ARMC2: variants seen among roughly 807,000 people sequenced by gnomAD.
ARMC2 encodes armadillo repeat-containing protein 2.
ARMC2 carries 67 observed loss-of-function variants against 90.3 expected under a neutral mutation model. That is an observed-to-expected ratio of 0.74 (90% CI 0.61 to 0.91). ARMC2 has a LOEUF of 0.91. ARMC2 is among the 40% of genes least tolerant of loss of function. The pLI is 0.00. For missense variants in ARMC2, 920 were observed against 1,030.9 expected (o/e 0.89, Z 1.47); for synonymous variants, 393 against 393.0 (o/e 1.00, Z 0.00).
the ARMC2 span, among the ~76,000 whole-genome samples, chr6:108,994,795 C>T: frequency 6.6e-5 from 10 of 151,408 alleles, no homozygotes; most frequent in African/African-American, 1.9e-4. Flanking sequence ...GTCCACCTCC[C>T]AGGTTCACGC....
intron 5 of ARMC2, among the ~76,000 whole-genome samples, 152 bp from the exon 6 acceptor site, chr6:108,894,315 A>G (rs763145639): frequency 2.3e-4 from 35 of 152,368 alleles, no homozygotes; most frequent in Non-Finnish European, 4.1e-4. Flanking sequence ...GCAGTGAGCT[A>G]TGATCACAGC....
chr6:108,921,190 A>C (rs1774530411), intron 10 of ARMC2, among the ~76,000 whole-genome samples: 1 of 152,168 alleles, frequency 6.6e-6, no homozygotes, highest in Non-Finnish European at 1.5e-5. Flanking sequence ...TGTTTGTATG[A>C]TATTCAAAAT....
At chr6:109,042,828 G>C in the ARMC2 span, among the ~76,000 whole-genome samples, 40 of 152,012 alleles carry the variant, frequency 2.6e-4, 1 homozygote, top group South Asian at 7.5e-3. Context: ...AGAAAACAAG[G>C]AGGGAAAAAT....
At chr6:108,965,791 C>G (rs753600360) in intron 17 of ARMC2, among the ~76,000 whole-genome samples, 2 of 151,284 alleles carry the variant, frequency 1.3e-5, no homozygotes, top group Admixed American at 1.3e-4. Flanking sequence ...ACTACAGACA[C>G]GCACCACCAT....
Position 108,973,625 on chromosome 6 carries a change from AG to A in ARMC2, c.*112del. 8.6e-7 allele frequency: 1 copy of A among 1,160,690 alleles called. No individual in the cohort carries two copies. The highest frequency in any genetic ancestry group is 2.5e-5 in the East Asian group (1 of 40,810). 71.9% of individuals were successfully genotyped at this position (1,160,690 alleles called of 1,614,324 possible). A position where few individuals can be genotyped will look rare whatever the true frequency, so the allele number is the denominator to read the frequency against. Reference sequence around the variant, plus strand: ...ATTAACAAATGTGGAAAGTTTTTCAAGAACTGGTTTTAGTGAGTAGCTGAAG... The same window carrying A: ...ATTAACAAATGTGGAAAGTTTTTCAAAACTGGTTTTAGTGAGTAGCTGAAG... On this transcript the variant is annotated 3_prime_UTR_variant, in exon 18 of 18. Coordinates refer to ENST00000392644, the MANE Select transcript of ARMC2 (RefSeq NM_032131.6).
chr6:108,947,615 G>A (rs942281564), intron 12 of ARMC2, among the ~76,000 whole-genome samples: 1 of 152,138 alleles, frequency 6.6e-6, no homozygotes. Context: ...TTCAGATTGA[G>A]TAACTTGTTT....
chr6:108,850,875 G>A (rs1348315272), intron 1 of ARMC2, among the ~76,000 whole-genome samples: 2 of 152,158 alleles, frequency 1.3e-5, no homozygotes, highest in South Asian at 2.1e-4. Flanking sequence ...CCAGCCCGGG[G>A]CCTTTTGGAG....
the ARMC2 span, among the ~76,000 whole-genome samples, chr6:109,052,403 T>C: frequency 1.3e-5 from 2 of 152,190 alleles, no homozygotes; most frequent in Admixed American, 6.5e-5. Context: ...AAATTGATCA[T>C]AATCCTACCA....
At chr6:108,987,966 C>G in the ARMC2 span, among the ~76,000 whole-genome samples, 1 of 152,058 alleles carries the variant, frequency 6.6e-6, no homozygotes, top group Admixed American at 6.6e-5. Context: ...CTATGTCCAA[C>G]TAATTTTTTG....
intron 11 of ARMC2, among the ~76,000 whole-genome samples, chr6:108,932,082 T>C (rs1246565217): frequency 2.6e-5 from 4 of 151,940 alleles, no homozygotes; most frequent in Non-Finnish European, 5.9e-5. Flanking sequence ...CACTTTTTGG[T>C]GGGGTTGTTT....
the ARMC2 span, among the ~76,000 whole-genome samples, chr6:108,983,374 C>T: frequency 6.6e-6 from 1 of 152,004 alleles, no homozygotes; most frequent in African/African-American, 2.4e-5. Flanking sequence ...TGAAACTTTC[C>T]CCGTGTTTTC....
the ARMC2 span, among the ~76,000 whole-genome samples, chr6:109,028,098 T>G: frequency 6.6e-6 from 1 of 152,212 alleles, no homozygotes; most frequent in Non-Finnish European, 1.5e-5. Context: ...TAATGTCTCA[T>G]GCTTGTATTC....
chr6:108,957,181 C>T (rs1026921158), intron 13 of ARMC2, among the ~76,000 whole-genome samples: 2 of 152,220 alleles, frequency 1.3e-5, no homozygotes. Flanking sequence ...GTGATCCCTT[C>T]TCTATTCTCT....
intron 10 of ARMC2, among the ~76,000 whole-genome samples, chr6:108,919,091 T>G (rs935320318): frequency 6.6e-6 from 1 of 152,148 alleles, no homozygotes; most frequent in South Asian, 2.1e-4. Context: ...ACCCCAATTC[T>G]CAGAGCCAGC....
intron 12 of ARMC2, among the ~76,000 whole-genome samples, chr6:108,950,770 C>T (rs1315661018): frequency 1.3e-5 from 2 of 152,234 alleles, no homozygotes; most frequent in Middle Eastern, 3.4e-3. Context: ...ACCCCTGAGC[C>T]TAAAAAGTTA....
chr6:108,930,221 T>C (rs1775422275), intron 11 of ARMC2, among the ~76,000 whole-genome samples: 1 of 152,216 alleles, frequency 6.6e-6, no homozygotes, highest in Non-Finnish European at 1.5e-5. Context: ...AATATTTACT[T>C]ATTTATTTAT....
the ARMC2 span, among the ~76,000 whole-genome samples, chr6:109,020,970 A>T: frequency 1.3e-5 from 2 of 152,194 alleles, no homozygotes; most frequent in Non-Finnish European, 2.9e-5. Flanking sequence ...TATCATTAAT[A>T]ATCTCCTTCA....
At chr6:108,906,538 G>C (rs554502298) in intron 8 of ARMC2, among the ~76,000 whole-genome samples, 44 of 151,972 alleles carry the variant, frequency 2.9e-4, no homozygotes, top group Middle Eastern at 3.4e-3. Flanking sequence ...CTGGAGTACA[G>C]TGGCGAGATC....
chr6:109,045,264 C>T, the ARMC2 span, among the ~76,000 whole-genome samples: 1 of 151,636 alleles, frequency 6.6e-6, no homozygotes, highest in Admixed American at 6.6e-5. Flanking sequence ...ACTCCCAACC[C>T]CATCAAAACA....
Sources: gnomAD v4.1 joint callset for allele counts (sites outside exome capture counted in the v4.1 genomes callset) on GRCh38, gnomAD v4.1.1 for gene constraint, MANE v1.5 for transcripts, NCBI Gene and HGNC (gene_info 2026-07-23, HGNC 2026-07-21) for gene names.